The following DDX42 variants were observed in gnomAD, a reference collection of about 807,000 sequenced individuals.
The protein encoded by DDX42 is ATP-dependent RNA helicase DDX42.
A neutral mutation model predicts 101.5 loss-of-function variants in DDX42; 22 were observed. The ratio of observed to expected loss-of-function variants is 0.22; its 90% CI spans 0.15 to 0.31. The LOEUF is 0.31. DDX42 is among the 10% of genes least tolerant of loss of function. DDX42 has a pLI of 1.00. For missense variants in DDX42, 849 were observed against 1,199.9 expected, an observed-to-expected ratio of 0.71 and a Z score of 4.32; for synonymous variants, 402 against 401.2, an observed-to-expected ratio of 1.00 and a Z score of -0.02.
intron 15 of DDX42, among the ~76,000 whole-genome samples, 175 bp downstream of exon 15, chr17:63,813,629 GTCT>G (rs772421646): frequency 6.6e-5 from 10 of 152,274 alleles, no homozygotes; most frequent in Non-Finnish European, 1.2e-4. Flanking sequence ...GTCTTATCTG[GTCT>G]TCTTCTTTCA....
chr17:63,786,839 G>A (rs559308629), intron 1 of DDX42, among the ~76,000 whole-genome samples, 195 bp from the exon 2 acceptor site: 54 of 152,236 alleles, frequency 3.5e-4, no homozygotes, highest in African/African-American at 1.2e-3. Context: ...CACCACGCCC[G>A]GCCAATTTTT....
At chr17:63,778,129 C>G (rs1283766763) in intron 1 of DDX42, among the ~76,000 whole-genome samples, 2 of 152,170 alleles carry the variant, frequency 1.3e-5, no homozygotes, top group Non-Finnish European at 2.9e-5. Context: ...GAGACTTTTT[C>G]TGGTTCCACG....
intron 1 of DDX42, among the ~76,000 whole-genome samples, chr17:63,780,995 T>C (rs911940639): frequency 3.9e-5 from 6 of 152,158 alleles, no homozygotes; most frequent in African/African-American, 1.4e-4. Flanking sequence ...CATATAAACA[T>C]GCCTATGTTT....
At position 63,812,027 on chromosome 17, in the gene DDX42, A is replaced by G. The variant is rs765380045; in HGVS notation, c.1494A>G (p.Ser498=). 1.9e-6 allele frequency: 3 copies of G among 1,614,234 alleles called. No individual in the cohort carries two copies. Among genetic ancestry groups the G allele is most frequent in the Non-Finnish European group, 2.5e-6 (3 of 1,180,046 alleles). ...LTRRLVEFTS[S]GSVLLFVTKK... Reference sequence around the variant, plus strand: ...GGCGTCTGGTAGAATTTACCTCTTCAGGGAGTGTCCTCCTCTTTGTTACTA... The same window carrying G: ...GGCGTCTGGTAGAATTTACCTCTTCGGGGAGTGTCCTCCTCTTTGTTACTA... The change falls in exon 14 of 18, where the codon TCA becomes TCG. Residue 498 remains serine, a synonymous_variant. Coordinates refer to ENST00000389924, the MANE Select transcript of DDX42 (RefSeq NM_203499.3).
chr17:63,789,552 TGTTTTTGTTTTTGTTTTTG>T (rs1300539112), intron 2 of DDX42, among the ~76,000 whole-genome samples: 5 of 22,792 alleles, frequency 2.2e-4, no homozygotes, highest in African/African-American at 1.4e-3. Flanking sequence ...AAGACTTTTT[TGTTTTTGTTTTTGTTTTTG>T]TTTTTTTTTT....
intron 1 of DDX42, chr17:63,776,202 T>C (rs1178410984): frequency 6.6e-6 from 1 of 152,256 alleles, no homozygotes; most frequent in African/African-American, 2.4e-5. Context: ...ATTTAGATCA[T>C]ATCTTATTTT....
intron 1 of DDX42, among the ~76,000 whole-genome samples, chr17:63,786,396 T>A (rs1347982159): frequency 1.3e-5 from 2 of 152,200 alleles, no homozygotes; most frequent in Admixed American, 1.3e-4. Flanking sequence ...TGGAAATGAA[T>A]CTCTTAATGA....
intron 5 of DDX42, among the ~76,000 whole-genome samples, 196 bp downstream of exon 5, chr17:63,799,821 G>A (rs184451301): frequency 6.6e-6 from 1 of 152,152 alleles, no homozygotes; most frequent in Non-Finnish European, 1.5e-5. Flanking sequence ...TATTGAAGAT[G>A]GAATTTTTGA....
chr17:63,793,356 C>T (rs1204563080), intron 3 of DDX42, among the ~76,000 whole-genome samples: 3 of 151,828 alleles, frequency 2.0e-5, no homozygotes, highest in Non-Finnish European at 4.4e-5. Context: ...CAGCCTCAAA[C>T]TCCTGGGCTC....
At chr17:63,800,413 C>G (rs2039748461) in intron 5 of DDX42, 55 bp from the exon 6 acceptor site, 4 of 1,568,764 alleles carry the variant, frequency 2.5e-6, no homozygotes, top group Non-Finnish European at 3.5e-6. Context: ...ATTACAGGAG[C>G]AGAAACATTC....
At chr17:63,812,248 T>C (rs1175391010) in intron 14 of DDX42, 40 bp downstream of exon 14, 1 of 1,588,722 alleles carries the variant, frequency 6.3e-7, no homozygotes, top group Non-Finnish European at 8.6e-7. Flanking sequence ...GTTCCTAGGC[T>C]ATAAGGGTAC....
At chr17:63,806,510 TC>T (rs749049010) in intron 7 of DDX42, 24 bp from the exon 8 acceptor site, 1 of 1,602,954 alleles carries the variant, frequency 6.2e-7, no homozygotes, top group South Asian at 1.1e-5. Context: ...TACAAGTCAT[TC>T]TGGGGAGTTG....
In DDX42 at chr17:63,815,658, G is replaced by T. The variant is rs115503884; in HGVS notation, c.1998G>T (p.Leu666=). 1.5e-3 allele frequency: 2,362 copies of T among 1,613,288 alleles called. 22 individuals carry two copies. The African/African-American group carries it at 0.027, about 18-fold the overall frequency. ...GGLGYRERPG[L]GSENMDRGNN... Reference sequence around the variant, plus strand: ...TAGGCTACAGGGAGCGGCCTGGCCTGGGCTCTGAGAACATGGTGAGTCTAG... The same window carrying T: ...TAGGCTACAGGGAGCGGCCTGGCCTTGGCTCTGAGAACATGGTGAGTCTAG... The change falls in exon 16 of 18, where the codon CTG becomes CTT. Residue 666 remains leucine, a synonymous_variant. Transcript: ENST00000389924.
chr17:63,788,668 C>T (rs2039580929), intron 2 of DDX42, among the ~76,000 whole-genome samples: 1 of 152,154 alleles, frequency 6.6e-6, no homozygotes, highest in Non-Finnish European at 1.5e-5. Context: ...AAAATCTACT[C>T]ACATTTTTCC....
At chr17:63,800,744 T>A in intron 6 of DDX42, 127 bp downstream of exon 6, 2 of 1,178,806 alleles carry the variant, frequency 1.7e-6, no homozygotes, top group Admixed American at 2.6e-5. Context: ...TCATCTCTAC[T>A]AAGTGGTTGA....
chr17:63,775,116 C>T (rs1242556193), intron 1 of DDX42: 1 of 152,644 alleles, frequency 6.6e-6, no homozygotes, highest in African/African-American at 2.4e-5. Flanking sequence ...AGGACTTCCT[C>T]AAGCGCAGGG....
In DDX42 at chr17:63,808,803, T is replaced by C; in HGVS notation, c.1024-17T>C. On this transcript the variant is annotated splice_polypyrimidine_tract_variant and intron_variant, in intron 9 of 17. Coordinates refer to ENST00000389924, the MANE Select transcript of DDX42 (RefSeq NM_203499.3). ...TTAGTGTCACAGTTTGTTAATATAT[T>C]ATTCACAACTTTGTAGATCCATGCA... 5 of 1,613,008 alleles carry C rather than the reference T, an allele frequency of 3.1e-6. No individual in the cohort carries two copies. Among genetic ancestry groups the C allele is most frequent in the Non-Finnish European group, 4.2e-6 (5 of 1,179,384 alleles).
chr17:63,794,893 G>T (rs1275485168), intron 3 of DDX42, among the ~76,000 whole-genome samples: 1 of 149,624 alleles, frequency 6.7e-6, no homozygotes, highest in Non-Finnish European at 1.5e-5. Context: ...CCGAGATGGC[G>T]CCATTGCACT....
intron 11 of DDX42, chr17:63,810,271 TTGGTA>T: frequency 5.9e-6 from 1 of 168,560 alleles, no homozygotes; most frequent in Non-Finnish European, 1.2e-5. Flanking sequence ...TTTTTTTTTT[TTGGTA>T]TTTTTAGTAG....
Sources: allele counts gnomAD v4.1 joint callset (sites outside exome capture counted in the v4.1 genomes callset), GRCh38; gene constraint gnomAD v4.1.1; transcripts MANE v1.5; gene names NCBI Gene and HGNC (gene_info 2026-07-23, HGNC 2026-07-21).